The following CALN1 variants were observed in gnomAD, a reference collection of about 807,000 sequenced individuals.
CALN1 encodes the protein calneuron 1, also known as calcium-binding protein 8.
A neutral mutation model predicts 30.6 loss-of-function variants in CALN1; 17 were observed. That is an observed-to-expected ratio of 0.56 (90% CI 0.38 to 0.83). The LOEUF (loss-of-function observed/expected upper bound fraction) is 0.83. Ranked by LOEUF, CALN1 falls within the 40% of genes least tolerant of loss-of-function variation. CALN1 has a pLI of 0.00. For synonymous variants in CALN1, 156 were observed against 131.4 expected, an observed-to-expected ratio of 1.19 and a Z score of -1.28; for missense variants, 291 against 354.9, an observed-to-expected ratio of 0.82 and a Z score of 1.45.
Position 72,446,757 on chromosome 7 carries a change from C to T in CALN1, c.-226+285G>A, listed in dbSNP as rs7793806. On this transcript the variant is annotated intron_variant, in intron 1 of 6. Coordinates refer to the CALN1 transcript ENST00000395276. Reference sequence around the variant, plus strand: ...TTGCATGAGCCAGAGCTGAAAGAAGCGTGTCTCCCCACTCCTCCAAACCAC... The same window carrying T: ...TTGCATGAGCCAGAGCTGAAAGAAGTGTGTCTCCCCACTCCTCCAAACCAC... Among the ~76,000 whole-genome samples, 1,510 of 152,186 alleles carry T rather than the reference C, an allele frequency of 9.9e-3. 19 individuals are homozygous for T. Among genetic ancestry groups the T allele is most frequent in the African/African-American group, 0.035 (1,455 of 41,508 alleles).
chr7:72,026,886 A>G (rs1249934629), intron 4 of CALN1, among the ~76,000 whole-genome samples: 6 of 150,448 alleles, frequency 4.0e-5, no homozygotes, highest in Non-Finnish European at 8.8e-5. Context: ...TCTGAAAGCT[A>G]ACTCCACGTG....
intron 5 of CALN1, among the ~76,000 whole-genome samples, chr7:71,904,821 T>TA (rs1426346730): frequency 2.0e-5 from 3 of 152,244 alleles, no homozygotes; most frequent in African/African-American, 7.2e-5. Flanking sequence ...CAATGTTACC[T>TA]GTCACTTTTT....
At chr7:72,236,310 A>T (rs1914381) in intron 3 of CALN1, among the ~76,000 whole-genome samples, 19,958 of 152,086 alleles carry the variant, frequency 0.13, 1,722 homozygotes, top group East Asian at 0.43. Flanking sequence ...AGGCTGAAAG[A>T]GAACATATAA....
Position 72,078,878 on chromosome 7 carries a change from G to C in CALN1, c.388+27273C>G, listed in dbSNP as rs377485379. ...CTGAACCTGGGAGATGGAGGTTGCC[G>C]TGATCACGCCATTGAACTACAGCCT... is the stretch of plus-strand genomic sequence containing the variant. On this transcript the variant is annotated intron_variant, in intron 4 of 6. Coordinates refer to ENST00000395275, the MANE Select transcript of CALN1 (RefSeq NM_031468.4). Among the ~76,000 whole-genome samples, 23 of 152,170 alleles carry C rather than the reference G, an allele frequency of 1.5e-4. 1 individual carries two copies. The East Asian group carries it at 3.1e-3, about 20-fold the overall frequency.
chr7:71,858,628 C>T (rs1351589882), intron 5 of CALN1, among the ~76,000 whole-genome samples: 2 of 152,080 alleles, frequency 1.3e-5, no homozygotes, highest in Admixed American at 1.3e-4. Context: ...AAATATATAT[C>T]TGATTGCTTC....
rs531110642 is a variant in CALN1, at chr7:72,437,729, C to T, written c.-226+9313G>A. On this transcript the variant is annotated intron_variant, in intron 1 of 6. Transcript: ENST00000395276. ...TCTTTCTTTCCTTCCTTCTTTCCTT[C>T]CCCCCTCCCACCCTTCCTTCCTTTC... is the stretch of plus-strand genomic sequence containing the variant. 2.6e-4 allele frequency among the ~76,000 whole-genome samples: 30 copies of T among 116,838 alleles called. No individual in the cohort carries two copies. In the East Asian group the frequency reaches 8.3e-3, roughly 32 times the overall value. The allele number at this position is 116,838 out of a possible 152,430, so 76.7% of individuals were successfully genotyped here.
chr7:72,312,275 A>C (rs554953218), intron 2 of CALN1, among the ~76,000 whole-genome samples: 1 of 151,896 alleles, frequency 6.6e-6, no homozygotes, highest in Non-Finnish European at 1.5e-5. Context: ...GTGGTGGTGC[A>C]TATCTGTAAT....
chr7:72,400,385 T>C (rs555213205), intron 2 of CALN1, among the ~76,000 whole-genome samples: 2 of 152,298 alleles, frequency 1.3e-5, no homozygotes, highest in East Asian at 3.9e-4. Flanking sequence ...ATCATCTTCA[T>C]ATGGACAGAG....
intron 3 of CALN1, among the ~76,000 whole-genome samples, chr7:72,178,772 T>C (rs1278791616): frequency 3.3e-5 from 5 of 152,196 alleles, no homozygotes; most frequent in Non-Finnish European, 7.3e-5. Flanking sequence ...ACGCATATTG[T>C]AGATGTCTAT....
At chr7:72,143,177 G>A (rs532528588) in intron 3 of CALN1, among the ~76,000 whole-genome samples, 4 of 152,238 alleles carry the variant, frequency 2.6e-5, no homozygotes, top group South Asian at 4.1e-4. Context: ...AAACTTCTCC[G>A]AGCTAAAGGA....
At chr7:72,447,349 G>A (rs1348604295), upstream of CALN1, among the ~76,000 whole-genome samples, 2 of 152,140 alleles carry the variant, frequency 1.3e-5, no homozygotes, top group African/African-American at 4.8e-5. Context: ...GGCTGAGAAG[G>A]TGGAAAAGTG....
chr7:72,098,362 G>A (rs1355262062), intron 4 of CALN1, among the ~76,000 whole-genome samples: 1 of 152,120 alleles, frequency 6.6e-6, no homozygotes, highest in Non-Finnish European at 1.5e-5. Context: ...AGCCAAGGAG[G>A]AGACCCCAGG....
chr7:72,028,168 C>T (rs1029689226), intron 4 of CALN1, among the ~76,000 whole-genome samples: 6 of 151,744 alleles, frequency 4.0e-5, no homozygotes, highest in African/African-American at 1.5e-4. Context: ...CACTTGGGAA[C>T]CTCATAGTTT....
At position 72,152,637 on chromosome 7, in the gene CALN1, G is replaced by A. The variant is rs73355327; in HGVS notation, c.245-46343C>T. On this transcript the variant is annotated intron_variant, in intron 3 of 6. Coordinates refer to ENST00000395275, the MANE Select transcript of CALN1 (RefSeq NM_031468.4). ...GAAGCAGAAACTTGAGATGTTTCCC[G>A]GCCAAAGCTGGTGCACATTGCCCTC... 7.8e-3 allele frequency among the ~76,000 whole-genome samples: 1,191 copies of A among 152,186 alleles called. 7 individuals are homozygous for A. Among genetic ancestry groups the A allele is most frequent in the African/African-American group, 0.024 (1,015 of 41,514 alleles).
intron 4 of CALN1, among the ~76,000 whole-genome samples, chr7:72,053,165 G>A (rs1802948767): frequency 1.3e-5 from 2 of 152,216 alleles, no homozygotes; most frequent in Admixed American, 6.5e-5. Flanking sequence ...AGGAGGTGGA[G>A]TTTGCAGTGA....
intron 3 of CALN1, among the ~76,000 whole-genome samples, chr7:72,205,316 T>C (rs1344632237): frequency 1.3e-5 from 2 of 151,594 alleles, no homozygotes; most frequent in Admixed American, 1.3e-4. Flanking sequence ...ATCTTCTGCC[T>C]CAGCCTCCCT....
chr7:72,120,772 C>T (rs770614705), intron 3 of CALN1, among the ~76,000 whole-genome samples: 17 of 152,074 alleles, frequency 1.1e-4, no homozygotes, highest in Non-Finnish European at 2.2e-4. Context: ...TACAAGGCTA[C>T]GCTTCAAGGA....
At chr7:72,113,043 A>G (rs1807688892) in intron 3 of CALN1, among the ~76,000 whole-genome samples, 1 of 152,140 alleles carries the variant, frequency 6.6e-6, no homozygotes, top group Non-Finnish European at 1.5e-5. Flanking sequence ...AGAAACGAGA[A>G]ACACTGAGAG....
chr7:72,024,722 T>C (rs1172930092), intron 4 of CALN1, among the ~76,000 whole-genome samples: 3 of 151,952 alleles, frequency 2.0e-5, no homozygotes, highest in Non-Finnish European at 2.9e-5. Context: ...TGACTGAAAA[T>C]AGGGATACCA....
Sources: gnomAD v4.1 joint callset for allele counts (sites outside exome capture counted in the v4.1 genomes callset) on GRCh38, gnomAD v4.1.1 for gene constraint, MANE v1.5 for transcripts, NCBI Gene and HGNC (gene_info 2026-07-23, HGNC 2026-07-21) for gene names.